Variants in DOCK7 observed in about 807,000 individuals in gnomAD.
The protein encoded by DOCK7 is dedicator of cytokinesis protein 7.
DOCK7 carries 138 observed loss-of-function variants against 271.0 expected under a neutral mutation model. The observed-to-expected ratio is 0.51, with a 90% CI of 0.44 to 0.59. The LOEUF (loss-of-function observed/expected upper bound fraction) is 0.59. DOCK7 is among the 20% of genes least tolerant of loss of function. DOCK7 has a pLI of 0.00. For synonymous variants in DOCK7, 823 were observed against 876.1 expected, an observed-to-expected ratio of 0.94 and a Z score of 1.07; for missense variants, 2,066 against 2,592.4, an observed-to-expected ratio of 0.80 and a Z score of 4.41.
chr1:62,680,397 T>C (rs1384424402), intron 1 of DOCK7, among the ~76,000 whole-genome samples: 2 of 152,124 alleles, frequency 1.3e-5, no homozygotes, highest in African/African-American at 4.8e-5. Context: ...TCAAGATGGA[T>C]TAAAGACTTA....
chr1:62,577,137 C>G, intron 18 of DOCK7, 125 bp downstream of exon 18: 1 of 475,904 alleles, frequency 2.1e-6, no homozygotes, highest in Non-Finnish European at 3.5e-6. Context: ...GGAGAAAATA[C>G]TTTTCCTTCA....
At chr1:62,627,824 T>A (rs1654135693) in intron 11 of DOCK7, 1 of 152,196 alleles carries the variant, frequency 6.6e-6, no homozygotes, top group South Asian at 2.1e-4. Context: ...ACTTAGAGAT[T>A]CAATGTCAGC....
chr1:62,484,256 A>G (rs936317350), intron 43 of DOCK7: 1 of 152,168 alleles, frequency 6.6e-6, no homozygotes, highest in Non-Finnish European at 1.5e-5. Flanking sequence ...AGGGTAATCT[A>G]TATTTCCTTA....
At chr1:62,658,404 G>C (rs1324542706) in intron 2 of DOCK7, among the ~76,000 whole-genome samples, 2 of 152,102 alleles carry the variant, frequency 1.3e-5, no homozygotes, top group East Asian at 3.9e-4. Context: ...AGGTTGCAGT[G>C]AGTCAAGATT....
At chr1:62,548,059 AGCACCTTGAATAAGTT>A (rs755992718) in intron 22 of DOCK7, among the ~76,000 whole-genome samples, 4 of 152,126 alleles carry the variant, frequency 2.6e-5, no homozygotes, top group Non-Finnish European at 5.9e-5. Flanking sequence ...ATATCTACTG[AGCACCTTGAATAAGTT>A]AGACATTACA....
chr1:62,598,909 T>G (rs968905803), intron 14 of DOCK7: 2 of 745,052 alleles, frequency 2.7e-6, no homozygotes, highest in African/African-American at 1.8e-5. Flanking sequence ...TGAGTAAAAT[T>G]ATCACATCAG....
rs1646717025 is a variant in DOCK7, at chr1:62,569,997, G to T, written c.2112+7265C>A. Among the ~76,000 whole-genome samples, 10 of 152,140 alleles carry T rather than the reference G, an allele frequency of 6.6e-5. No homozygotes were observed. In the South Asian group the frequency reaches 2.1e-3, roughly 32 times the overall value. On this transcript the variant is annotated intron_variant, in intron 18 of 49. Coordinates refer to ENST00000635253, the MANE Select transcript of DOCK7 (RefSeq NM_001367561.1). Reference sequence around the variant, plus strand: ...CTAAAGTGCTGGGATTATAGGCATGGGCCACTGCGTCCAGCCACCACTCCT... The same window carrying T: ...CTAAAGTGCTGGGATTATAGGCATGTGCCACTGCGTCCAGCCACCACTCCT...
At chr1:62,551,254 G>C (rs544658408) in intron 22 of DOCK7, among the ~76,000 whole-genome samples, 1 of 151,474 alleles carries the variant, frequency 6.6e-6, no homozygotes, top group African/African-American at 2.4e-5. Context: ...GATTGCAGGG[G>C]TGTCCAATCT....
chr1:62,688,278 ACGGCGACGGCGGCGG>A lies in DOCK7; in HGVS notation c.-29_-15del. ...GCGCTCGGCCATGGCTGCTGCGGCG[ACGGCGACGGCGGCGG>A]CGGCTGCGGCGGGCCGGGTGCGGAC... On this transcript the variant is annotated 5_prime_UTR_variant, in exon 1 of 50. Coordinates refer to ENST00000635253, the MANE Select transcript of DOCK7 (RefSeq NM_001367561.1). The A allele has an allele frequency of 7.8e-7, 1 of 1,275,228 alleles. No homozygotes were observed. The highest frequency in any genetic ancestry group is 1.0e-6 in the Non-Finnish European group (1 of 1,003,698). 79.0% of individuals were successfully genotyped at this position (1,275,228 alleles called of 1,614,324 possible).
chr1:62,549,989 AATGACAGGAT>A (rs1645840240), intron 22 of DOCK7, among the ~76,000 whole-genome samples: 1 of 152,216 alleles, frequency 6.6e-6, no homozygotes, highest in Non-Finnish European at 1.5e-5. Context: ...CCTTGTTGCA[AATGACAGGAT>A]CTCATTCTTT....
chr1:62,503,893 A>G (rs1007489222), intron 37 of DOCK7, among the ~76,000 whole-genome samples: 5 of 151,932 alleles, frequency 3.3e-5, no homozygotes, highest in African/African-American at 1.2e-4. Context: ...TAAAAGTACA[A>G]AAAATTAGCT....
intron 1 of DOCK7, among the ~76,000 whole-genome samples, chr1:62,679,567 T>C (rs1317978334): frequency 1.3e-5 from 2 of 152,160 alleles, no homozygotes; most frequent in Non-Finnish European, 1.5e-5. Flanking sequence ...TCATTAGTAA[T>C]AAAATGAAAA....
In DOCK7 at chr1:62,618,810, C is replaced by T. The variant is rs747897931; in HGVS notation, c.1578G>A (p.Pro526=). ...GGTAAAGCTTCACTTGAAGCAGCTC[C>T]GGAGTTAGGCAATAATGGGGATTTT... The part of the protein sequence containing the change: ...APENPHYCLT[P]ELLQVKLYPD... Residue 526 remains proline (P), a synonymous_variant, in exon 14 of 50, where the codon CCG becomes CCA. Transcript: ENST00000635253. 6.8e-6 allele frequency: 11 copies of T among 1,613,694 alleles called. No homozygotes were observed. Among genetic ancestry groups the T allele is most frequent in the South Asian group, 3.3e-5 (3 of 91,052 alleles).
intron 7 of DOCK7, 119 bp downstream of exon 7, chr1:62,647,572 A>G: frequency 1.4e-6 from 1 of 706,106 alleles, no homozygotes; most frequent in Non-Finnish European, 2.5e-6. Context: ...TGACATGTAG[A>G]ACAATACTTC....
chr1:62,683,456 A>AT (rs1239968089), intron 1 of DOCK7, among the ~76,000 whole-genome samples: 1 of 152,208 alleles, frequency 6.6e-6, no homozygotes, highest in Non-Finnish European at 1.5e-5. Context: ...CTCATGTAAG[A>AT]TTTTCCCTCA....
rs1000214666 is a variant in DOCK7 at position 62,688,304 on chromosome 1, G to C, written c.-40C>G. On this transcript the variant is annotated 5_prime_UTR_variant, in exon 1 of 50. Coordinates refer to ENST00000635253, the MANE Select transcript of DOCK7 (RefSeq NM_001367561.1). ...CGGCGACGGCGGCGGCGGCTGCGGC[G>C]GGCCGGGTGCGGACCGGCGGGCGCG... 1.0e-4 allele frequency: 126 copies of C among 1,210,148 alleles called. No homozygotes were observed. The highest frequency in any genetic ancestry group is 1.2e-4 in the Non-Finnish European group (120 of 970,256). The allele number at this position is 1,210,148 out of a possible 1,614,324, so 75.0% of individuals were successfully genotyped here. A position where few individuals can be genotyped will look rare whatever the true frequency, so the allele number is the denominator to read the frequency against.
chr1:62,651,579 T>C (rs906707454), intron 4 of DOCK7, among the ~76,000 whole-genome samples: 24 of 151,322 alleles, frequency 1.6e-4, no homozygotes. Flanking sequence ...TTCAGCCATA[T>C]CCACACCGCC....
chr1:62,559,445 A>ATT (rs34120210), intron 19 of DOCK7, among the ~76,000 whole-genome samples: 33 of 148,266 alleles, frequency 2.2e-4, no homozygotes, highest in Non-Finnish European at 3.6e-4. Context: ...ACTAATTAAG[A>ATT]TTTTTTTTTT....
At chr1:62,639,597 G>A (rs1655743269) in intron 7 of DOCK7, among the ~76,000 whole-genome samples, 1 of 151,778 alleles carries the variant, frequency 6.6e-6, no homozygotes, top group Non-Finnish European at 1.5e-5. Context: ...ACCACACCCA[G>A]CCAATTTTTT....
Sources: gnomAD v4.1 joint callset for allele counts (sites outside exome capture counted in the v4.1 genomes callset) on GRCh38, gnomAD v4.1.1 for gene constraint, MANE v1.5 for transcripts, NCBI Gene and HGNC (gene_info 2026-07-23, HGNC 2026-07-21) for gene names.